KANK1: variants seen among roughly 807,000 people sequenced by gnomAD.
The protein encoded by KANK1 is KN motif and ankyrin repeat domains 1.
A neutral mutation model predicts 106.2 loss-of-function variants in KANK1; 109 were observed. The ratio of observed to expected loss-of-function variants is 1.03; its 90% CI spans 0.88 to 1.20. KANK1 has a LOEUF of 1.20. KANK1 is among the 50% of genes most tolerant of loss of function. The pLI is 0.00. For synonymous variants in KANK1, 873 were observed against 652.2 expected (o/e 1.34, Z -5.16); for missense variants, 2,399 against 1,710.7 (o/e 1.40, Z -7.10).
intron 1 of KANK1, among the ~76,000 whole-genome samples, chr9:617,737 G>A (rs146859371): frequency 5.3e-5 from 8 of 152,316 alleles, no homozygotes; most frequent in South Asian, 2.1e-4. Context: ...CAGACATTCC[G>A]ATCAGCAGGC....
At chr9:668,408 G>C (rs1234491297) in intron 1 of KANK1, among the ~76,000 whole-genome samples, 1 of 152,010 alleles carries the variant, frequency 6.6e-6, no homozygotes, top group Non-Finnish European at 1.5e-5. Flanking sequence ...CTGAATTTCA[G>C]TCCATCAAAT....
At chr9:594,241 T>A (rs1006311900) in intron 1 of KANK1, among the ~76,000 whole-genome samples, 1 of 151,914 alleles carries the variant, frequency 6.6e-6, no homozygotes, top group Admixed American at 6.5e-5. Flanking sequence ...TTTCTGCCTT[T>A]AATAAAATGT....
At chr9:706,502 C>T (rs989753170) in intron 2 of KANK1, among the ~76,000 whole-genome samples, 35 of 150,086 alleles carry the variant, frequency 2.3e-4, no homozygotes, top group Admixed American at 4.7e-4. Flanking sequence ...AAAATATTAA[C>T]GCTTGCCACT....
At chr9:501,109 C>A (rs563538286), upstream of KANK1, among the ~76,000 whole-genome samples, 1 of 152,122 alleles carries the variant, frequency 6.6e-6, no homozygotes, top group African/African-American at 2.4e-5. Context: ...TTCTTTCAAG[C>A]TTGAGCAAAA....
intron 3 of KANK1, among the ~76,000 whole-genome samples, chr9:717,949 C>T: frequency 6.6e-6 from 1 of 151,896 alleles, no homozygotes; most frequent in Non-Finnish European, 1.5e-5. Context: ...TTAAAATCAG[C>T]TTCCGTATTT....
intron 1 of KANK1, among the ~76,000 whole-genome samples, chr9:590,364 C>T (rs1824546319): frequency 6.6e-6 from 1 of 152,110 alleles, no homozygotes; most frequent in African/African-American, 2.4e-5. Flanking sequence ...AAGTCCCTTT[C>T]TAACATTACC....
At chr9:658,634 T>C (rs1842658899) in intron 1 of KANK1, among the ~76,000 whole-genome samples, 1 of 152,162 alleles carries the variant, frequency 6.6e-6, no homozygotes, top group African/African-American at 2.4e-5. Flanking sequence ...GATTTAAGAT[T>C]CATTTGGAAT....
chr9:508,138 T>G (rs1156678633), intron 1 of KANK1, among the ~76,000 whole-genome samples: 2 of 132,014 alleles, frequency 1.5e-5, no homozygotes, highest in African/African-American at 5.9e-5. Context: ...TTTTTTTTTT[T>G]TTTTTTTTTT....
intron 1 of KANK1, among the ~76,000 whole-genome samples, chr9:555,990 T>C (rs552833286): frequency 3.3e-5 from 5 of 152,220 alleles, no homozygotes; most frequent in Non-Finnish European, 5.9e-5. Context: ...TTCAGAGTTA[T>C]ACTTAAAATG....
chr9:641,018 G>T (rs537794020), intron 1 of KANK1, among the ~76,000 whole-genome samples: 198 of 152,258 alleles, frequency 1.3e-3, no homozygotes, highest in African/African-American at 4.4e-3. Flanking sequence ...TGTCTGTGTT[G>T]CAGTGAAATT....
At chr9:609,024 G>A (rs185350876) in intron 1 of KANK1, among the ~76,000 whole-genome samples, 58 of 152,066 alleles carry the variant, frequency 3.8e-4, no homozygotes, top group Admixed American at 2.3e-3. Context: ...TACCCTTTGG[G>A]ACTTGAACTC....
At chr9:627,089 AC>A (rs1254942494) in intron 1 of KANK1, among the ~76,000 whole-genome samples, 6 of 152,178 alleles carry the variant, frequency 3.9e-5, no homozygotes. Context: ...CAGAGAATGA[AC>A]AGCACAGAAT....
intron 2 of KANK1, among the ~76,000 whole-genome samples, chr9:691,116 C>T (rs1459699614): frequency 6.6e-6 from 1 of 152,184 alleles, no homozygotes; most frequent in Non-Finnish European, 1.5e-5. Context: ...CCCTTGTCAT[C>T]GTCTGATAAA....
At chr9:597,802 T>TA (rs1429964767) in intron 1 of KANK1, among the ~76,000 whole-genome samples, 2 of 151,622 alleles carry the variant, frequency 1.3e-5, no homozygotes, top group Non-Finnish European at 1.5e-5. Flanking sequence ...TAGCTGGGAT[T>TA]ACAGGCATGC....
chr9:710,761 G>A (rs376628831), intron 2 of KANK1, 43 bp from the exon 3 acceptor site: 55 of 1,515,502 alleles, frequency 3.6e-5, no homozygotes, highest in Non-Finnish European at 3.5e-5. Flanking sequence ...TTACCATTAG[G>A]TGTATTGCAT....
chr9:507,586 C>T (rs1306235666), intron 1 of KANK1, among the ~76,000 whole-genome samples: 4 of 131,372 alleles, frequency 3.0e-5, no homozygotes, highest in Non-Finnish European at 4.7e-5. Context: ...GAGATGGAGT[C>T]TCGATCTGTT....
rs145576003 is a variant in KANK1, at chr9:511,989, T to C, written c.-84+7235T>C. On this transcript the variant is annotated intron_variant, in intron 1 of 11. Coordinates refer to ENST00000382297, the MANE Select transcript of KANK1 (RefSeq NM_015158.5). ...CCTGGTACCCAGCTGGTGGATGTGC[T>C]GGTCCACTGGCTCCAAAAAGGCTTT... is the stretch of plus-strand genomic sequence containing the variant. 5.0e-3 allele frequency among the ~76,000 whole-genome samples: 755 copies of C among 151,918 alleles called. 8 individuals carry two copies. The highest frequency in any genetic ancestry group is 0.018 in the African/African-American group (722 of 41,190).
chr9:537,119 C>G (rs1250970760), intron 1 of KANK1, among the ~76,000 whole-genome samples: 1 of 152,164 alleles, frequency 6.6e-6, no homozygotes, highest in Non-Finnish European at 1.5e-5. Flanking sequence ...AACAGGAACC[C>G]TTTCATAACG....
chr9:639,991 C>G (rs986316636), intron 1 of KANK1, among the ~76,000 whole-genome samples: 2 of 152,132 alleles, frequency 1.3e-5, no homozygotes, highest in African/African-American at 2.4e-5. Context: ...AATGCCATCC[C>G]GTTGAAGGTT....
Sources: gnomAD v4.1 joint callset for allele counts (sites outside exome capture counted in the v4.1 genomes callset) on GRCh38, gnomAD v4.1.1 for gene constraint, MANE v1.5 for transcripts, NCBI Gene and HGNC (gene_info 2026-07-23, HGNC 2026-07-21) for gene names.